ESRRG: variants seen among roughly 807,000 people sequenced by gnomAD.
ESRRG encodes estrogen related receptor gamma.
A neutral mutation model predicts 44.0 loss-of-function variants in ESRRG; 13 were observed. That is an observed-to-expected ratio of 0.30 (90% confidence interval 0.19 to 0.47). The LOEUF (loss-of-function observed/expected upper bound fraction) is 0.47. Among genes scored for constraint, ESRRG ranks in the 20% least tolerant of loss-of-function variants. The probability of loss-of-function intolerance (pLI) is 1.00; values close to 1 mark genes in which losing one functional copy is unlikely to be tolerated. For synonymous variants in ESRRG, 215 were observed against 214.6 expected (o/e 1.00, Z -0.02); for missense variants, 395 against 580.6 (o/e 0.68, Z 3.29).
At chr1:217,118,287 T>C (rs2092766337) in intron 1 of ESRRG, among the ~76,000 whole-genome samples, 1 of 152,236 alleles carries the variant, frequency 6.6e-6, no homozygotes, top group South Asian at 2.1e-4. Context: ...AACATCTTAA[T>C]GCAAACACTA....
intron 3 of ESRRG, among the ~76,000 whole-genome samples, chr1:216,619,328 T>C (rs1178510434): frequency 1.3e-5 from 2 of 152,146 alleles, no homozygotes; most frequent in African/African-American, 4.8e-5. Flanking sequence ...CAGAAGTCTA[T>C]CTAAATAGGC....
chr1:216,714,306 C>T (rs1435172625), intron 1 of ESRRG, among the ~76,000 whole-genome samples: 1 of 152,062 alleles, frequency 6.6e-6, no homozygotes, highest in East Asian at 1.9e-4. Flanking sequence ...TTACCTTTTA[C>T]CAAAGTAAAT....
intron 2 of ESRRG, among the ~76,000 whole-genome samples, chr1:216,919,752 T>C (rs369568262): frequency 6.6e-6 from 1 of 152,156 alleles, no homozygotes; most frequent in Non-Finnish European, 1.5e-5. Context: ...GGGTGTTAAT[T>C]TGAATTTTAA....
chr1:216,991,478 C>T (rs961956082), intron 1 of ESRRG, among the ~76,000 whole-genome samples: 9 of 152,050 alleles, frequency 5.9e-5, no homozygotes, highest in East Asian at 5.8e-4. Flanking sequence ...GATGAACAGA[C>T]GAACAAGATA....
intron 2 of ESRRG, among the ~76,000 whole-genome samples, chr1:216,662,337 C>T (rs750333518): frequency 1.1e-4 from 16 of 152,004 alleles, no homozygotes; most frequent in Non-Finnish European, 1.9e-4. Flanking sequence ...GCAAACAAAC[C>T]AACCAAAGAG....
chr1:216,796,499 A>G (rs2094473892), intron 2 of ESRRG, among the ~76,000 whole-genome samples: 1 of 152,182 alleles, frequency 6.6e-6, no homozygotes, highest in Non-Finnish European at 1.5e-5. Flanking sequence ...AAGGATTGCT[A>G]TTGTAGTGCC....
chr1:216,580,175 G>C (rs2062479899), intron 3 of ESRRG, among the ~76,000 whole-genome samples: 1 of 152,196 alleles, frequency 6.6e-6, no homozygotes, highest in Non-Finnish European at 1.5e-5. Context: ...TACTGAGTAA[G>C]TGAATAAATA....
chr1:217,006,439 A>G (rs2077748663), intron 1 of ESRRG, among the ~76,000 whole-genome samples: 1 of 152,150 alleles, frequency 6.6e-6, no homozygotes, highest in African/African-American at 2.4e-5. Flanking sequence ...TATAACTTCA[A>G]TAAGTCTCAC....
intron 2 of ESRRG, among the ~76,000 whole-genome samples, chr1:216,737,423 G>A (rs917823231): frequency 2.0e-5 from 3 of 151,942 alleles, no homozygotes; most frequent in African/African-American, 7.3e-5. Context: ...TAAATGAAAT[G>A]GTCTATATAT....
At chr1:217,026,912 C>CACACACACAGAGAGAGAGAGAG (rs1255637839) in intron 1 of ESRRG, among the ~76,000 whole-genome samples, 61 of 93,452 alleles carry the variant, frequency 6.5e-4, no homozygotes, top group East Asian at 2.4e-3. Context: ...CACACACACA[C>CACACACACAGAGAGAGAGAGAG]AGAGAGAGAG....
chr1:216,760,841 A>C (rs929737863), intron 2 of ESRRG, among the ~76,000 whole-genome samples: 1 of 152,134 alleles, frequency 6.6e-6, no homozygotes, highest in Non-Finnish European at 1.5e-5. Context: ...GATAGGATAG[A>C]CACTCTACTA....
At chr1:217,031,162 TG>T (rs1365214549) in intron 1 of ESRRG, among the ~76,000 whole-genome samples, 1 of 152,226 alleles carries the variant, frequency 6.6e-6, no homozygotes, top group African/African-American at 2.4e-5. Context: ...AAAACTATGT[TG>T]TAGAAACCAT....
intron 5 of ESRRG, among the ~76,000 whole-genome samples, chr1:216,558,323 A>T (rs940162043): frequency 6.6e-6 from 1 of 152,158 alleles, no homozygotes; most frequent in Non-Finnish European, 1.5e-5. Context: ...GTAAATTTTC[A>T]GTTGTTTTAG....
chr1:217,135,183 C>T (rs766453265), intron 1 of ESRRG, among the ~76,000 whole-genome samples: 1 of 152,192 alleles, frequency 6.6e-6, no homozygotes, highest in Middle Eastern at 3.2e-3. Flanking sequence ...ACCTCGTCCC[C>T]TCCCCCAGCG....
chr1:216,556,812 G>T (rs1046823534), intron 5 of ESRRG, among the ~76,000 whole-genome samples: 1 of 152,106 alleles, frequency 6.6e-6, no homozygotes, highest in Non-Finnish European at 1.5e-5. Context: ...GTTAAAAGCA[G>T]AATTTGTGCT....
chr1:216,565,466 C>T (rs537069511), intron 4 of ESRRG, among the ~76,000 whole-genome samples: 1 of 152,276 alleles, frequency 6.6e-6, no homozygotes, highest in African/African-American at 2.4e-5. Flanking sequence ...ATGTGTTTAT[C>T]AGACTCTTTG....
At chr1:216,879,600 G>A (rs1191893639) in intron 2 of ESRRG, among the ~76,000 whole-genome samples, 9 of 151,464 alleles carry the variant, frequency 5.9e-5, no homozygotes, top group Non-Finnish European at 1.3e-4. Context: ...TCTCTATTTT[G>A]CTGTTTCATT....
At chr1:217,123,810 T>G (rs978129207) in intron 1 of ESRRG, among the ~76,000 whole-genome samples, 32 of 152,044 alleles carry the variant, frequency 2.1e-4, no homozygotes, top group Admixed American at 3.9e-4. Flanking sequence ...ATGCTGGGCT[T>G]AATATCTGGA....
chr1:216,582,255 G>A (rs1391505015), intron 3 of ESRRG, among the ~76,000 whole-genome samples: 1 of 152,092 alleles, frequency 6.6e-6, no homozygotes, highest in Non-Finnish European at 1.5e-5. Context: ...TGTTAATTAA[G>A]AAAGCTGACC....
Sources: gnomAD v4.1 joint callset for allele counts (sites outside exome capture counted in the v4.1 genomes callset) on GRCh38, gnomAD v4.1.1 for gene constraint, MANE v1.5 for transcripts, NCBI Gene and HGNC (gene_info 2026-07-23, HGNC 2026-07-21) for gene names.